GBF1: variants seen among roughly 807,000 people sequenced by gnomAD.
GBF1 encodes the protein Golgi-specific brefeldin A-resistance guanine nucleotide exchange factor 1.
In GBF1, 114 loss-of-function variants were observed where a neutral mutation model predicts 210.5. The observed-to-expected ratio is 0.54, with a 90% CI of 0.47 to 0.63. The LOEUF is 0.63. GBF1 is among the 30% of genes least tolerant of loss of function. GBF1 has a pLI of 0.00. For missense variants in GBF1, 1,851 were observed against 2,357.7 expected (o/e 0.79, Z 4.45); for synonymous variants, 850 against 889.2 (o/e 0.96, Z 0.78).
At chr10:102,382,028 G>A in intron 39 of GBF1, 28 bp from the exon 40 acceptor site, 1 of 1,517,836 alleles carries the variant, frequency 6.6e-7, no homozygotes, top group Non-Finnish European at 8.8e-7. Context: ...AAGGGAATCT[G>A]ACTGTAACCA....
At position 102,370,467 on chromosome 10, in the gene GBF1, G is replaced by T. The variant is rs779043425; in HGVS notation, c.3495G>T (p.Val1165=). 1 of 1,610,882 alleles carries T rather than the reference G, an allele frequency of 6.2e-7. No individual in the cohort carries two copies. Among genetic ancestry groups the T allele is most frequent in the South Asian group, 1.1e-5 (1 of 91,018 alleles). Residue 1165 remains valine (V), a synonymous_variant, in exon 28 of 40, where the codon GTG becomes GTT. Coordinates refer to ENST00000369983, the MANE Select transcript of GBF1 (RefSeq NM_001377137.1). ...AFCLEMLLRI[V]LENRDRVGCV... The stretch of plus-strand genomic sequence containing the variant: ...GCCTAGAGATGCTGCTAAGGATTGT[G>T]TTGGAGAACAGGTAAGATGAGCGTA...
Position 102,352,492 on chromosome 10 carries a change from A to G in GBF1, c.558A>G (p.Val186=). 1 of 1,612,174 alleles carries G rather than the reference A, an allele frequency of 6.2e-7. No homozygotes were observed. The highest frequency in any genetic ancestry group is 8.5e-7 in the Non-Finnish European group (1 of 1,178,196). The part of the protein sequence containing the change: ...LLRKSAEHTL[V]DMVQLLFTRL... ...GAAAATCCGCAGAGCACACTCTCGTAGACATGGTGCAGCTGCTCTTCACAA... is the reference window on the plus strand; with the variant it reads ...GAAAATCCGCAGAGCACACTCTCGTGGACATGGTGCAGCTGCTCTTCACAA... Residue 186 remains valine (V), a synonymous_variant, in exon 7 of 40, where the codon GTA becomes GTG. Transcript: ENST00000369983.
intron 29 of GBF1, among the ~76,000 whole-genome samples, chr10:102,374,086 A>G (rs943977016): frequency 2.0e-5 from 3 of 152,192 alleles, no homozygotes; most frequent in African/African-American, 7.2e-5. Context: ...GCAGTGGCTC[A>G]CACCTGTAAT....
intron 3 of GBF1, among the ~76,000 whole-genome samples, chr10:102,307,443 C>CAA (rs1214986314): frequency 3.3e-4 from 17 of 51,724 alleles, no homozygotes; most frequent in Non-Finnish European, 4.9e-4. Flanking sequence ...CCAACCTTGG[C>CAA]AAAAAAAAAA....
chr10:102,359,503 A>G, intron 11 of GBF1, 68 bp downstream of exon 11: 1 of 1,146,450 alleles, frequency 8.7e-7, no homozygotes. Context: ...CTGAGCCTAG[A>G]CCGTCTTAAA....
chr10:102,351,517 G>T, intron 5 of GBF1, 143 bp downstream of exon 5: 2 of 628,846 alleles, frequency 3.2e-6, no homozygotes, highest in Non-Finnish European at 5.7e-6. Context: ...AGCAGCTGGG[G>T]TACCCAAAGT....
intron 3 of GBF1, among the ~76,000 whole-genome samples, chr10:102,324,054 A>G (rs2056678846): frequency 6.6e-6 from 1 of 152,130 alleles, no homozygotes; most frequent in Admixed American, 6.5e-5. Context: ...TGGAAAAAAG[A>G]GAGTATTATT....
intron 3 of GBF1, among the ~76,000 whole-genome samples, chr10:102,336,433 AT>A (rs763109101): frequency 1.1e-3 from 170 of 152,252 alleles, no homozygotes; most frequent in Admixed American, 2.5e-3. Flanking sequence ...ACTTTATTCC[AT>A]GCATTGTACC....
intron 3 of GBF1, among the ~76,000 whole-genome samples, chr10:102,303,441 T>C (rs2077569983): frequency 6.6e-6 from 1 of 152,210 alleles, no homozygotes; most frequent in Admixed American, 6.5e-5. Context: ...GGCCCTGGTG[T>C]AAAATGGCTA....
At chr10:102,318,806 T>C (rs542186983) in intron 3 of GBF1, among the ~76,000 whole-genome samples, 8 of 152,342 alleles carry the variant, frequency 5.3e-5, no homozygotes, top group East Asian at 3.9e-4. Flanking sequence ...ATCTATTGAC[T>C]TCCTACTCCT....
At chr10:102,237,150 A>G in the GBF1 span, among the ~76,000 whole-genome samples, 1 of 152,162 alleles carries the variant, frequency 6.6e-6, no homozygotes, top group Non-Finnish European at 1.5e-5. Flanking sequence ...CAGAGACCCT[A>G]TCTTGTAGGA....
intron 1 of GBF1, among the ~76,000 whole-genome samples, chr10:102,256,380 T>C (rs527681487): frequency 6.9e-4 from 105 of 152,300 alleles, no homozygotes; most frequent in African/African-American, 2.3e-3. Flanking sequence ...TTCTCTATTA[T>C]CTCTGGCTGT....
chr10:102,359,878 C>G (rs1474263410), intron 11 of GBF1, among the ~76,000 whole-genome samples: 1 of 151,784 alleles, frequency 6.6e-6, no homozygotes. Context: ...ATCCTCCCAC[C>G]TCAGCCTCCC....
chr10:102,281,423 T>C (rs1187112432), intron 3 of GBF1, among the ~76,000 whole-genome samples: 4 of 152,108 alleles, frequency 2.6e-5, no homozygotes, highest in Non-Finnish European at 1.5e-5. Context: ...ATACTAAATC[T>C]ACTAAATTAT....
chr10:102,277,006 G>A (rs912012498), intron 3 of GBF1, among the ~76,000 whole-genome samples: 3 of 151,966 alleles, frequency 2.0e-5, no homozygotes, highest in African/African-American at 7.2e-5. Flanking sequence ...ACACACGTAT[G>A]TATGTATGTA....
At chr10:102,283,549 A>T (rs988340122) in intron 3 of GBF1, among the ~76,000 whole-genome samples, 1 of 152,218 alleles carries the variant, frequency 6.6e-6, no homozygotes, top group Non-Finnish European at 1.5e-5. Flanking sequence ...GCCTTCTGCT[A>T]GGAGGCTGGG....
In GBF1 at chr10:102,376,780, T is replaced by C; in HGVS notation, c.4268T>C (p.Val1423Ala). ...TGCGTCAAGACTCTCCGGATCTTTG[T>C]GGAGGCCAGTCTGAATGGCGGTGGG... ...ELCVKTLRIF[V>A]EASLNGGCKS... is the part of the protein sequence containing the mutation. Residue 1423 changes from valine to alanine, a missense_variant, in exon 32 of 40, where the codon GTG (valine) becomes GCG (alanine). By Grantham distance (64) the Val-to-Ala change is moderately conservative (BLOSUM62 0). Coordinates refer to ENST00000369983, the MANE Select transcript of GBF1 (RefSeq NM_001377137.1). 6.2e-7 allele frequency: 1 copy of C among 1,609,042 alleles called. No homozygotes were observed. Among genetic ancestry groups the C allele is most frequent in the Non-Finnish European group, 8.5e-7 (1 of 1,179,944 alleles).
At position 102,258,907 on chromosome 10, in the gene GBF1, ATTATC is replaced by A. The variant is rs766008838; in HGVS notation, c.-10-18_-10-14del. On this transcript the variant is annotated splice_polypyrimidine_tract_variant and intron_variant, in intron 1 of 39. Transcript: ENST00000369983. ...TGGGTAACCAAATATTAACCAGACT[ATTATC>A]TTAACTGTTTTGGTAGGTTTGCCAA... The A allele has an allele frequency of 1.0e-5, 12 of 1,200,298 alleles. No homozygotes were observed. In the Admixed American group the frequency reaches 1.0e-4, roughly 10 times the overall value. The allele number at this position is 1,200,298 out of a possible 1,614,324, so 74.4% of individuals were successfully genotyped here.
rs1281177404 is a variant in GBF1, at chr10:102,361,051, T to C, written c.1422T>C (p.Tyr474=). The C allele has an allele frequency of 6.2e-7, 1 of 1,604,440 alleles. No homozygotes were observed. The highest frequency in any genetic ancestry group is 2.2e-5 in the East Asian group (1 of 44,840). The part of the protein sequence containing the change: ...QLLSIERLNL[Y]AASLRVCFLL... ...TCAGCATAGAGCGACTAAACCTTTATGCTGCTTCCCTGCGAGTATGCTTCC... is the reference window on the plus strand; with the variant it reads ...TCAGCATAGAGCGACTAAACCTTTACGCTGCTTCCCTGCGAGTATGCTTCC... Residue 474 remains tyrosine (Y), a synonymous_variant, in exon 13 of 40, where the codon TAT becomes TAC. Coordinates refer to ENST00000369983, the MANE Select transcript of GBF1 (RefSeq NM_001377137.1).
Sources: allele counts gnomAD v4.1 joint callset (sites outside exome capture counted in the v4.1 genomes callset), GRCh38; gene constraint gnomAD v4.1.1; transcripts MANE v1.5; gene names NCBI Gene and HGNC (gene_info 2026-07-23, HGNC 2026-07-21).